PRIM2: variants seen among roughly 807,000 people sequenced by gnomAD.
The protein encoded by PRIM2 is DNA primase large subunit.
PRIM2 carries 39 observed loss-of-function variants against 67.3 expected under a neutral mutation model. The observed-to-expected ratio is 0.58, with a 90% confidence interval of 0.45 to 0.76. PRIM2 has a LOEUF of 0.76. Among genes scored for constraint, PRIM2 ranks in the 30% least tolerant of loss-of-function variants. The pLI is 0.00. For synonymous variants in PRIM2, 143 were observed against 198.7 expected (o/e 0.72, Z 2.36); for missense variants, 398 against 598.7 (o/e 0.66, Z 3.50).
At chr6:57,519,266 C>T (rs1248954401) in intron 8 of PRIM2, among the ~76,000 whole-genome samples, 6 of 152,274 alleles carry the variant, frequency 3.9e-5, no homozygotes, top group East Asian at 1.9e-4. Context: ...TATCAGGAGA[C>T]GGGTTTTTGA....
At chr6:57,238,919 CT>C in the PRIM2 span, among the ~76,000 whole-genome samples, 4 of 152,160 alleles carry the variant, frequency 2.6e-5, no homozygotes, top group Non-Finnish European at 5.9e-5. Context: ...ATGACCTTGC[CT>C]TTGTCGTGCT....
At chr6:57,463,707 T>C (rs1773088441) in intron 7 of PRIM2, among the ~76,000 whole-genome samples, 1 of 152,140 alleles carries the variant, frequency 6.6e-6, no homozygotes, top group Non-Finnish European at 1.5e-5. Flanking sequence ...CTGAAACACA[T>C]GGGAGTACCA....
chr6:57,290,156 T>C, the PRIM2 span, among the ~76,000 whole-genome samples: 1 of 148,538 alleles, frequency 6.7e-6, no homozygotes, highest in Non-Finnish European at 1.5e-5. Flanking sequence ...GGGGTTGCAA[T>C]CTTAGTCTCT....
chr6:57,420,286 C>T (rs1771424021), intron 7 of PRIM2, among the ~76,000 whole-genome samples: 1 of 152,084 alleles, frequency 6.6e-6, no homozygotes, highest in Non-Finnish European at 1.5e-5. Flanking sequence ...GGGTAGATCA[C>T]GAGGTCAGGG....
Position 57,497,393 on chromosome 6 carries a change from A to T in PRIM2, c.694-9994A>T, listed in dbSNP as rs1166233639. On this transcript the variant is annotated intron_variant, in intron 7 of 13. Transcript: ENST00000615550. Reference sequence around the variant, plus strand: ...AGCGATTGTTTTACATTTCTAAATGATGTAGAGCATCAGTAGGGTGCTTAG... The same window carrying T: ...AGCGATTGTTTTACATTTCTAAATGTTGTAGAGCATCAGTAGGGTGCTTAG... 4 of 152,242 alleles carry T rather than the reference A, an allele frequency of 2.6e-5. No homozygotes were observed. The East Asian group carries it at 7.7e-4, about 29-fold the overall frequency. 9.4% of individuals were successfully genotyped at this position (152,242 alleles called of 1,614,324 possible).
At chr6:57,452,256 G>A (rs1253610176) in intron 7 of PRIM2, among the ~76,000 whole-genome samples, 1 of 152,168 alleles carries the variant, frequency 6.6e-6, no homozygotes, top group East Asian at 1.9e-4. Flanking sequence ...GTGTGCATGT[G>A]TCTTTATAGC....
chr6:57,247,422 A>G, the PRIM2 span, among the ~76,000 whole-genome samples: 1,492 of 152,332 alleles, frequency 9.8e-3, 28 homozygotes, highest in African/African-American at 0.034. Context: ...TTATCCATCA[A>G]TGAGTAAGCT....
intron 7 of PRIM2, among the ~76,000 whole-genome samples, chr6:57,423,257 A>G (rs1771520237): frequency 6.6e-6 from 1 of 152,128 alleles, no homozygotes; most frequent in Non-Finnish European, 1.5e-5. Context: ...ACATGTTTTC[A>G]TAGACGTTTG....
chr6:57,414,072 G>A (rs6925944), intron 7 of PRIM2, among the ~76,000 whole-genome samples: 6 of 152,174 alleles, frequency 3.9e-5, no homozygotes, highest in Admixed American at 2.0e-4. Context: ...GGAAACAAGC[G>A]TTTGGTTAAG....
the PRIM2 span, among the ~76,000 whole-genome samples, chr6:57,259,643 G>T: frequency 6.6e-6 from 1 of 152,212 alleles, no homozygotes; most frequent in East Asian, 1.9e-4. Context: ...CTTCACCTTT[G>T]TGGGGTGTAG....
At chr6:57,550,392 T>C (rs1775376623) in intron 10 of PRIM2, among the ~76,000 whole-genome samples, 1 of 152,174 alleles carries the variant, frequency 6.6e-6, no homozygotes, top group Admixed American at 6.5e-5. Flanking sequence ...CAGGTTGGGC[T>C]TGCTTTCATG....
At chr6:57,538,096 GCCTCGA>G (rs1320020193) in intron 10 of PRIM2, among the ~76,000 whole-genome samples, 3 of 151,786 alleles carry the variant, frequency 2.0e-5, no homozygotes, top group Non-Finnish European at 2.9e-5. Context: ...GCTCACTGCA[GCCTCGA>G]CCTTTGGGCT....
At chr6:57,472,408 G>T (rs1554344724) in intron 7 of PRIM2, among the ~76,000 whole-genome samples, 6 of 138,988 alleles carry the variant, frequency 4.3e-5, no homozygotes, top group Admixed American at 2.2e-4. Flanking sequence ...AAAAAAAAAA[G>T]AAGAGAAAAG....
chr6:57,312,905 T>C (rs997238380), upstream of PRIM2, among the ~76,000 whole-genome samples: 1 of 152,222 alleles, frequency 6.6e-6, no homozygotes, highest in African/African-American at 2.4e-5. Flanking sequence ...TTCCTCCCTA[T>C]AGACAGCCAA....
chr6:57,601,250 G>A (rs1247588816), intron 11 of PRIM2, 31 bp downstream of exon 11: 10 of 1,556,280 alleles, frequency 6.4e-6, no homozygotes, highest in Admixed American at 2.1e-5. Context: ...TGTTGGCCAA[G>A]TACAGAAATC....
At chr6:57,532,730 A>G (rs1385141368) in intron 9 of PRIM2, among the ~76,000 whole-genome samples, 1 of 152,204 alleles carries the variant, frequency 6.6e-6, no homozygotes, top group Non-Finnish European at 1.5e-5. Context: ...GAATTCTTTT[A>G]AATAGCTAAA....
intron 5 of PRIM2, among the ~76,000 whole-genome samples, chr6:57,371,711 A>C (rs1265957197): frequency 4.6e-5 from 7 of 152,268 alleles, no homozygotes; most frequent in African/African-American, 1.7e-4. Flanking sequence ...TTACTTAAAA[A>C]GCAATGAAAG....
intron 5 of PRIM2, among the ~76,000 whole-genome samples, chr6:57,332,464 G>A (rs962852901): frequency 1.1e-4 from 16 of 151,958 alleles, no homozygotes; most frequent in Non-Finnish European, 1.9e-4. Context: ...ATTGAAAGTG[G>A]GGTACTAAAG....
chr6:57,598,226 A>G (rs1776402720), intron 10 of PRIM2, among the ~76,000 whole-genome samples: 1 of 152,206 alleles, frequency 6.6e-6, no homozygotes, highest in Non-Finnish European at 1.5e-5. Context: ...GCCAGCCTTG[A>G]GAGATCACCG....
Sources: allele counts gnomAD v4.1 joint callset (sites outside exome capture counted in the v4.1 genomes callset), GRCh38; gene constraint gnomAD v4.1.1; transcripts MANE v1.5; gene names NCBI Gene and HGNC (gene_info 2026-07-23, HGNC 2026-07-21).